The following MON2 variants were observed in gnomAD, a reference collection of about 807,000 sequenced individuals.
MON2 encodes the protein protein MON2 homolog.
A neutral mutation model predicts 208.6 loss-of-function variants in MON2; 84 were observed. That is an observed-to-expected ratio of 0.40 (90% CI 0.34 to 0.48). MON2 has a LOEUF of 0.48. Among genes scored for constraint, MON2 ranks in the 20% least tolerant of loss-of-function variants. The probability of loss-of-function intolerance (pLI) is 0.59; values close to 1 mark genes in which losing one functional copy is unlikely to be tolerated. For synonymous variants in MON2, 660 were observed against 694.0 expected (o/e 0.95, Z 0.77); for missense variants, 1,611 against 2,015.4 (o/e 0.80, Z 3.84).
At chr12:62,519,333 G>T (rs1332923524) in intron 8 of MON2, among the ~76,000 whole-genome samples, 1 of 152,094 alleles carries the variant, frequency 6.6e-6, no homozygotes, top group African/African-American at 2.4e-5. Context: ...GGTGAGAGGG[G>T]AATGCTGGGA....
intron 8 of MON2, among the ~76,000 whole-genome samples, chr12:62,519,591 CG>C (rs903342270): frequency 6.6e-6 from 1 of 152,058 alleles, no homozygotes; most frequent in Non-Finnish European, 1.5e-5. Context: ...AATTATTTTA[CG>C]TTTTCCAAAT....
chr12:62,502,093 G>A (rs2070865508), intron 7 of MON2, among the ~76,000 whole-genome samples: 1 of 152,086 alleles, frequency 6.6e-6, no homozygotes, highest in African/African-American at 2.4e-5. Context: ...GATGGCGGGT[G>A]CCTGTAGTCT....
intron 26 of MON2, among the ~76,000 whole-genome samples, chr12:62,562,347 ACT>A (rs2074231618): frequency 6.6e-6 from 1 of 151,874 alleles, no homozygotes; most frequent in African/African-American, 2.4e-5. Context: ...TTTTTAAAAA[ACT>A]CTGCTTTAGC....
At chr12:62,564,653 A>C (rs2074313353) in intron 26 of MON2, among the ~76,000 whole-genome samples, 1 of 152,142 alleles carries the variant, frequency 6.6e-6, no homozygotes, top group African/African-American at 2.4e-5. Context: ...TCTTATATTA[A>C]AATATTTTAT....
Position 62,560,853 on chromosome 12 carries a change from C to T in MON2, c.3772C>T (p.Pro1258Ser). The T allele has an allele frequency of 6.2e-7, 1 of 1,614,054 alleles. No homozygotes were observed. The highest frequency in any genetic ancestry group is 1.1e-5 in the South Asian group (1 of 91,076). Reference sequence around the variant, plus strand: ...AATTGGATCTGAAAGTACTAAGCCTCCTATTACTTTTGATAAACTAACTTT... The same window carrying T: ...AATTGGATCTGAAAGTACTAAGCCTTCTATTACTTTTGATAAACTAACTTT... The part of the protein sequence containing the change: ...YRIGSESTKP[P>S]ITFDKLTFIP... Residue 1258 changes from proline to serine, a missense_variant, in exon 26 of 35, where the codon CCT (proline) becomes TCT (serine). Physicochemically the swap from Pro to Ser is moderately conservative, Grantham distance 74. Coordinates refer to ENST00000393630, the MANE Select transcript of MON2 (RefSeq NM_015026.3).
chr12:62,552,849 A>G, intron 23 of MON2, 32 bp from the exon 24 acceptor site: 1 of 1,561,252 alleles, frequency 6.4e-7, no homozygotes, highest in Non-Finnish European at 8.8e-7. Flanking sequence ...AAAACCTTGG[A>G]TGAACTAATA....
At chr12:62,491,899 G>T (rs1433958867) in intron 2 of MON2, among the ~76,000 whole-genome samples, 1 of 152,188 alleles carries the variant, frequency 6.6e-6, no homozygotes, top group Admixed American at 6.5e-5. Context: ...AAATCTGGTA[G>T]GATATTTAAT....
chr12:62,554,385 A>G (rs1348403175), intron 24 of MON2, among the ~76,000 whole-genome samples: 1 of 152,176 alleles, frequency 6.6e-6, no homozygotes, highest in African/African-American at 2.4e-5. Flanking sequence ...GCCTGGAGTG[A>G]GTCCTGAGAA....
At chr12:62,549,561 A>C in intron 22 of MON2, 107 bp from the exon 23 acceptor site, 1 of 943,258 alleles carries the variant, frequency 1.1e-6, no homozygotes, top group Non-Finnish European at 1.5e-6. Flanking sequence ...AGAGTGAGGC[A>C]TGATCGCACC....
chr12:62,537,226 G>A lies in MON2; in HGVS notation c.1976G>A (p.Gly659Asp). 2 of 1,613,212 alleles carry A rather than the reference G, an allele frequency of 1.2e-6. 1 individual carries two copies. The highest frequency in any genetic ancestry group is 3.3e-5 in the Admixed American group (2 of 59,972). The change falls in exon 15 of 35, where the codon GGT becomes GAT. Residue 659 changes from glycine to aspartate, a missense_variant. Physicochemically the swap from Gly to Asp is moderately conservative, Grantham distance 94 (BLOSUM62 -1). Transcript: ENST00000393630. ...SESHQQVVAV[G>D]QPLAVQPQGT... ...TCTCACCAACAAGTTGTGGCAGTGG[G>A]TCAACCTTTAGCAGTCCAGCCTCAA...
intron 1 of MON2, among the ~76,000 whole-genome samples, chr12:62,469,402 A>G (rs2068677724): frequency 6.6e-6 from 1 of 152,164 alleles, no homozygotes; most frequent in Non-Finnish European, 1.5e-5. Flanking sequence ...CTAGAGAGAT[A>G]TTTTGTAATT....
chr12:62,492,976 T>A (rs966092482), intron 2 of MON2, among the ~76,000 whole-genome samples: 2 of 151,404 alleles, frequency 1.3e-5, no homozygotes, highest in Non-Finnish European at 2.9e-5. Context: ...AGATTCCATC[T>A]CAGAAAAACA....
intron 2 of MON2, among the ~76,000 whole-genome samples, chr12:62,489,443 T>A (rs955846972): frequency 3.3e-5 from 5 of 152,098 alleles, no homozygotes; most frequent in Non-Finnish European, 7.4e-5. Context: ...AGGAAAAATA[T>A]TAACCTCCCA....
intron 8 of MON2, among the ~76,000 whole-genome samples, chr12:62,524,004 C>T (rs1163102600): frequency 6.6e-6 from 1 of 151,930 alleles, no homozygotes; most frequent in Non-Finnish European, 1.5e-5. Context: ...CAGTACAGGC[C>T]CTGTTCTAAT....
rs565096650 is a variant in MON2, at chr12:62,577,060, G to A, written c.4515-1385G>A. Among the ~76,000 whole-genome samples the A allele has an allele frequency of 8.4e-4, 128 of 151,618 alleles. 1 individual carries two copies. Among genetic ancestry groups the A allele is most frequent in the African/African-American group, 3.0e-3 (122 of 41,344 alleles). On this transcript the variant is annotated intron_variant, in intron 30 of 34. Coordinates refer to ENST00000393630, the MANE Select transcript of MON2 (RefSeq NM_015026.3). ...TTTGTTGATCATCAACTCATCCTTA[G>A]TTACCTCCACCATCATCACAAATCT...
intron 7 of MON2, among the ~76,000 whole-genome samples, chr12:62,507,656 T>G (rs2071174204): frequency 6.6e-6 from 1 of 152,102 alleles, no homozygotes; most frequent in South Asian, 2.1e-4. Context: ...TAATTACCAG[T>G]GTCCAGCTAA....
At chr12:62,481,945 A>G (rs972892698) in intron 1 of MON2, among the ~76,000 whole-genome samples, 1 of 152,208 alleles carries the variant, frequency 6.6e-6, no homozygotes, top group Admixed American at 6.5e-5. Flanking sequence ...AACCATGGCA[A>G]AACTCATGCC....
rs756957094 is a variant in MON2, at chr12:62,565,222, A to C, written c.4033-15A>C. 5 of 1,609,554 alleles carry C rather than the reference A, an allele frequency of 3.1e-6. No individual in the cohort carries two copies. The South Asian group carries it at 5.5e-5, about 18-fold the overall frequency. The stretch of plus-strand genomic sequence containing the variant: ...TCAGATTATGCATTCTAATGTTCTT[A>C]TTTTGCTTTTATAGGCCATTTGTGT... On this transcript the variant is annotated splice_polypyrimidine_tract_variant and intron_variant, in intron 26 of 34. Transcript: ENST00000393630.
chr12:62,582,780 A>T (rs906072283), intron 32 of MON2, among the ~76,000 whole-genome samples: 2 of 152,144 alleles, frequency 1.3e-5, no homozygotes, highest in African/African-American at 4.8e-5. Context: ...TTTATTTGCT[A>T]AACAAGGCCA....
Sources: allele counts gnomAD v4.1 joint callset (sites outside exome capture counted in the v4.1 genomes callset), GRCh38; gene constraint gnomAD v4.1.1; transcripts MANE v1.5; gene names NCBI Gene and HGNC (gene_info 2026-07-23, HGNC 2026-07-21).